Variants in PXDN observed in about 807,000 individuals in gnomAD.
The protein encoded by PXDN is peroxidasin, also known as peroxidasin homolog.
A neutral mutation model predicts 140.3 loss-of-function variants in PXDN; 77 were observed. That is an observed-to-expected ratio of 0.55 (90% CI 0.46 to 0.66). The LOEUF is 0.66. Ranked by LOEUF, PXDN falls within the 30% of genes least tolerant of loss-of-function variation. The pLI is 0.00. For missense variants in PXDN, 1,838 were observed against 2,039.5 expected (o/e 0.90, Z 1.90); for synonymous variants, 911 against 857.4 (o/e 1.06, Z -1.09).
chr2:1,661,444 G>A (rs1683301679), intron 13 of PXDN, among the ~76,000 whole-genome samples: 1 of 152,212 alleles, frequency 6.6e-6, no homozygotes, highest in Admixed American at 6.5e-5. Context: ...CAGAGGGACA[G>A]GTGACCTCCC....
chr2:1,666,569 T>G (rs1384774507), intron 9 of PXDN, 83 bp from the exon 10 acceptor site: 2 of 1,436,322 alleles, frequency 1.4e-6, no homozygotes, highest in Non-Finnish European at 1.9e-6. Flanking sequence ...GTCAGGCTAT[T>G]AATTCTATTT....
Position 1,649,530 on chromosome 2 carries a change from G to T in PXDN, c.2250C>A (p.Asn750Lys). 6.2e-7 allele frequency: 1 copy of T among 1,614,046 alleles called. No homozygotes were observed. Among genetic ancestry groups the T allele is most frequent in the South Asian group, 1.1e-5 (1 of 91,088 alleles). The change falls in exon 17 of 23, where the codon AAC becomes AAA. Residue 750 changes from asparagine (N) to lysine (K), a missense_variant. Around this residue, in one of 5 missense-constraint regions of PXDN, gnomAD observed 537 missense variants for 583.9 expected, o/e 0.92. Coordinates refer to ENST00000252804, the MANE Select transcript of PXDN (RefSeq NM_012293.3). The surrounding 1 kb of genome is among the most constrained non-coding windows in gnomAD (Gnocchi z 7.1). ...KYRTHDGTCN[N>K]LQHPMWGASL... is the part of the protein sequence containing the mutation. ...AGGCGCCCCACATGGGGTGCTGCAG[G>T]TTGTTACAGGTGCCGTCGTGCGTCC...
In PXDN at chr2:1,685,148, C is replaced by T. The variant is rs1023773465; in HGVS notation, c.417-997G>A. ...GCCAGGGCCCGCCCCGTCCCGGGGCCAGCTCCCCAGGCAGCACCCACACAG... is the reference window on the plus strand; with the variant it reads ...GCCAGGGCCCGCCCCGTCCCGGGGCTAGCTCCCCAGGCAGCACCCACACAG... On this transcript the variant is annotated intron_variant, in intron 4 of 22. Coordinates refer to ENST00000252804, the MANE Select transcript of PXDN (RefSeq NM_012293.3). This position sits in a 1 kb window ranked among gnomAD's most constrained non-coding sequence, Gnocchi z 5.1. Among the ~76,000 whole-genome samples the T allele has an allele frequency of 3.3e-5, 5 of 152,248 alleles. No homozygotes were observed. Among genetic ancestry groups the T allele is most frequent in the Admixed American group, 2.0e-4 (3 of 15,284 alleles).
rs758804173 is a variant in PXDN, at chr2:1,648,849, G to A, written c.2931C>T (p.Arg977=). Residue 977 remains arginine (R), a synonymous_variant, in exon 17 of 23, where the codon CGC becomes CGT. Coordinates refer to ENST00000252804, the MANE Select transcript of PXDN (RefSeq NM_012293.3). This position sits in a 1 kb window ranked among gnomAD's most constrained non-coding sequence, Gnocchi z 8.9. Reference sequence around the variant, plus strand: ...TGGTCAGGCCCAGCTGCTCGTTGGCGCGGTGGTCCCCGGCCAGGAAGCAGG... The same window carrying A: ...TGGTCAGGCCCAGCTGCTCGTTGGCACGGTGGTCCCCGGCCAGGAAGCAGG... ...PIPCFLAGDH[R]ANEQLGLTSM... 11 of 1,601,236 alleles carry A rather than the reference G, an allele frequency of 6.9e-6. No homozygotes were observed. Among genetic ancestry groups the A allele is most frequent in the African/African-American group, 2.7e-5 (2 of 74,764 alleles).
At chr2:1,728,859 G>T (rs370875090) in intron 1 of PXDN, among the ~76,000 whole-genome samples, 1 of 152,184 alleles carries the variant, frequency 6.6e-6, no homozygotes, top group Admixed American at 6.5e-5. Context: ...AAAAACTTTT[G>T]TGGCCACAGA....
At chr2:1,734,322 A>G (rs1043815552) in intron 1 of PXDN, among the ~76,000 whole-genome samples, 1 of 152,242 alleles carries the variant, frequency 6.6e-6, no homozygotes, top group Non-Finnish European at 1.5e-5. Flanking sequence ...TATTGCTAAA[A>G]AAATTTTATA....
chr2:1,703,486 G>GA (rs1558516416), intron 1 of PXDN, among the ~76,000 whole-genome samples: 4 of 28,396 alleles, frequency 1.4e-4, no homozygotes, highest in Admixed American at 3.8e-4. Context: ...TGAAGGGGGG[G>GA]CAACTCCAGG....
chr2:1,680,723 G>A (rs1442035228), intron 6 of PXDN, among the ~76,000 whole-genome samples: 1 of 152,178 alleles, frequency 6.6e-6, no homozygotes, highest in East Asian at 1.9e-4. Flanking sequence ...GACCAGGTGG[G>A]AGCCACTCAC....
Position 1,638,916 on chromosome 2 carries a change from G to A in PXDN, c.4136C>T (p.Ala1379Val). 6.2e-7 allele frequency: 1 copy of A among 1,613,992 alleles called. No homozygotes were observed. Among genetic ancestry groups the A allele is most frequent in the Non-Finnish European group, 8.5e-7 (1 of 1,179,854 alleles). ...CTCTCTGAAGTCATTTGTCCCAGAT[G>A]CATCTGAGCGTGTGCTGAAGGCTGA... ...STSAFSTRSD[A>V]SGTNDFREFV... Residue 1379 changes from alanine (A) to valine (V), a missense_variant, in exon 21 of 23, where the codon GCA becomes GTA. By Grantham distance (64) the Ala-to-Val change is moderately conservative. This residue lies in a region of PXDN where 850 missense variants were observed against 894.1 expected (regional missense o/e 0.95). Transcript: ENST00000252804.
chr2:1,737,890 A>T (rs1005293110), intron 1 of PXDN, among the ~76,000 whole-genome samples: 1 of 152,206 alleles, frequency 6.6e-6, no homozygotes. Flanking sequence ...AAAAATTACT[A>T]GTGTTATGAA....
At chr2:1,679,729 GTGGA>G (rs1167026414) in intron 7 of PXDN, among the ~76,000 whole-genome samples, 1 of 150,794 alleles carries the variant, frequency 6.6e-6, no homozygotes. Flanking sequence ...CTGTGTGTGT[GTGGA>G]TGGTGTGTGC....
rs1683095981 is a variant in PXDN, at chr2:1,654,991, T to C, written c.1838-483A>G. Among the ~76,000 whole-genome samples the C allele has an allele frequency of 3.3e-5, 5 of 152,108 alleles. No homozygotes were observed. In the South Asian group the frequency reaches 1.0e-3, roughly 32 times the overall value. Reference sequence around the variant, plus strand: ...TGATCCCATCTTCTCACCTGTGGACTTGTATCATTACACAGGGAAACTCCC... The same window carrying C: ...TGATCCCATCTTCTCACCTGTGGACCTGTATCATTACACAGGGAAACTCCC... On this transcript the variant is annotated intron_variant, in intron 14 of 22. Coordinates refer to ENST00000252804, the MANE Select transcript of PXDN (RefSeq NM_012293.3).
intron 1 of PXDN, among the ~76,000 whole-genome samples, chr2:1,708,450 G>A (rs1489041265): frequency 2.0e-5 from 3 of 152,130 alleles, no homozygotes; most frequent in Non-Finnish European, 2.9e-5. Context: ...GTCAGCCTCC[G>A]CCCTTCGCAG....
intron 16 of PXDN, chr2:1,653,080 G>A: frequency 4.7e-6 from 1 of 211,648 alleles, no homozygotes; most frequent in East Asian, 1.1e-4. Flanking sequence ...ATCGTGACAT[G>A]TAAAGGCATC....
intron 4 of PXDN, among the ~76,000 whole-genome samples, chr2:1,684,480 A>G (rs187343540): frequency 1.6e-4 from 24 of 152,352 alleles, no homozygotes; most frequent in African/African-American, 5.8e-4. Context: ...TATGGAAAAA[A>G]GCAAAAATCA....
chr2:1,655,255 C>T lies in PXDN; in HGVS notation c.1838-747G>A, dbSNP rs545786601. Among the ~76,000 whole-genome samples, 4 of 151,234 alleles carry T rather than the reference C, an allele frequency of 2.6e-5. No individual in the cohort carries two copies. In the East Asian group the frequency reaches 5.9e-4, roughly 22 times the overall value. ...CACATTATATACACAGAAACACATA[C>T]GCCACCTACACAGAACATTATATAG... is the stretch of plus-strand genomic sequence containing the variant. On this transcript the variant is annotated intron_variant, in intron 14 of 22. Coordinates refer to ENST00000252804, the MANE Select transcript of PXDN (RefSeq NM_012293.3).
intron 7 of PXDN, among the ~76,000 whole-genome samples, 160 bp downstream of exon 7, chr2:1,680,033 G>A (rs1156546895): frequency 1.3e-5 from 2 of 150,152 alleles, no homozygotes; most frequent in African/African-American, 4.9e-5. Context: ...GTGTATGTGC[G>A]TGTGTGTGGT....
At chr2:1,713,647 C>T (rs1036516655) in intron 1 of PXDN, among the ~76,000 whole-genome samples, 3 of 152,310 alleles carry the variant, frequency 2.0e-5, no homozygotes, top group Admixed American at 2.0e-4. Flanking sequence ...CCCGGGTGGG[C>T]GGGAGCCTCG....
intron 4 of PXDN, 42 bp from the exon 5 acceptor site, chr2:1,684,193 T>C (rs1188145856): frequency 6.6e-7 from 1 of 1,516,918 alleles, no homozygotes; most frequent in Admixed American, 2.0e-5. Context: ...TTACAATTTA[T>C]TTTCTTAGAT....
Sources: gnomAD v4.1 joint callset for allele counts (sites outside exome capture counted in the v4.1 genomes callset) on GRCh38, gnomAD v4.1.1 for gene constraint, gnomAD v4.1.1 regional missense constraint, Gnocchi (gnomAD v3.1) non-coding constraint, MANE v1.5 for transcripts, NCBI Gene and HGNC (gene_info 2026-07-23, HGNC 2026-07-21) for gene names.